SLC35F1: variants seen among roughly 807,000 people sequenced by gnomAD.
The protein encoded by SLC35F1 is chromosome 6 open reading frame 169.
SLC35F1 carries 14 observed loss-of-function variants against 48.7 expected under a neutral mutation model. The observed-to-expected ratio is 0.29, with a 90% CI of 0.19 to 0.45. SLC35F1 has a LOEUF of 0.45. Ranked by LOEUF, SLC35F1 falls within the 20% of genes least tolerant of loss-of-function variation. SLC35F1 has a pLI of 1.00. For missense variants in SLC35F1, 404 were observed against 500.0 expected (o/e 0.81, Z 1.83); for synonymous variants, 190 against 202.2 (o/e 0.94, Z 0.51).
intron 2 of SLC35F1, among the ~76,000 whole-genome samples, chr6:118,230,781 C>A (rs1775282759): frequency 6.6e-6 from 1 of 152,036 alleles, no homozygotes; most frequent in Admixed American, 6.5e-5. Context: ...CCCAGGAGTT[C>A]AAGACCACCT....
chr6:117,950,020 C>G (rs952662696), intron 1 of SLC35F1, among the ~76,000 whole-genome samples: 7 of 152,140 alleles, frequency 4.6e-5, no homozygotes, highest in African/African-American at 1.7e-4. Flanking sequence ...GCTTTTTACT[C>G]TGTGTTGCAG....
chr6:118,194,620 T>G (rs205930), intron 2 of SLC35F1, among the ~76,000 whole-genome samples: 11,793 of 152,176 alleles, frequency 0.077, 1,087 homozygotes, highest in African/African-American at 0.22. Context: ...CAAATTCATA[T>G]CACAAAATAC....
intron 7 of SLC35F1, among the ~76,000 whole-genome samples, chr6:118,306,407 A>G (rs2114666431): frequency 6.6e-6 from 1 of 152,334 alleles, no homozygotes; most frequent in East Asian, 1.9e-4. Flanking sequence ...GAGCTGCTAC[A>G]CTACCACTTC....
intron 1 of SLC35F1, among the ~76,000 whole-genome samples, chr6:117,993,337 A>G (rs1776944308): frequency 6.6e-6 from 1 of 152,194 alleles, no homozygotes; most frequent in Non-Finnish European, 1.5e-5. Context: ...TAGCCAAAAT[A>G]AATTTGAATT....
chr6:117,971,479 A>G (rs4946308), intron 1 of SLC35F1, among the ~76,000 whole-genome samples: 60,512 of 152,100 alleles, frequency 0.4, 12,513 homozygotes, highest in South Asian at 0.53. Flanking sequence ...AGCTCCACTA[A>G]GCAGTGCCCC....
intron 1 of SLC35F1, among the ~76,000 whole-genome samples, chr6:118,150,252 A>T: frequency 6.6e-6 from 1 of 152,234 alleles, no homozygotes; most frequent in African/African-American, 2.4e-5. Context: ...ATGAATTATT[A>T]TTGTTGTTTT....
At chr6:118,032,173 T>C (rs1291573537) in intron 1 of SLC35F1, among the ~76,000 whole-genome samples, 2 of 152,204 alleles carry the variant, frequency 1.3e-5, no homozygotes, top group Non-Finnish European at 2.9e-5. Context: ...CTTTCTTTGG[T>C]TATTCATCTT....
At chr6:118,099,029 A>G (rs1474979248) in intron 1 of SLC35F1, among the ~76,000 whole-genome samples, 5 of 152,172 alleles carry the variant, frequency 3.3e-5, no homozygotes, top group African/African-American at 9.7e-5. Context: ...CAAGGGAGAA[A>G]GTTGCATTAG....
chr6:117,959,746 A>G (rs556144421), intron 1 of SLC35F1, among the ~76,000 whole-genome samples: 1 of 152,276 alleles, frequency 6.6e-6, no homozygotes, highest in East Asian at 1.9e-4. Context: ...AGAAGTTTCG[A>G]CGTATAATAC....
chr6:118,227,717 C>G (rs966243944), intron 2 of SLC35F1, among the ~76,000 whole-genome samples: 4 of 151,592 alleles, frequency 2.6e-5, no homozygotes, highest in Non-Finnish European at 5.9e-5. Context: ...ATAGGGTGGG[C>G]AAAAACAAAA....
intron 1 of SLC35F1, among the ~76,000 whole-genome samples, chr6:118,153,549 T>A (rs1214477257): frequency 2.0e-5 from 3 of 152,196 alleles, no homozygotes; most frequent in Admixed American, 6.5e-5. Flanking sequence ...AGGGCAGAAA[T>A]CTACTTTGTA....
At position 118,150,968 on chromosome 6, in the gene SLC35F1, G is replaced by A. The variant is rs1265645453; in HGVS notation, c.174-3477G>A. On this transcript the variant is annotated intron_variant, in intron 1 of 7. Transcript: ENST00000360388. ...CTCTTGGTTTTCATGACACCAATAC[G>A]GCTGTTATTCTCCACTCAACCAAAA... is the stretch of plus-strand genomic sequence containing the variant. Among the ~76,000 whole-genome samples the A allele has an allele frequency of 2.0e-5, 3 of 152,080 alleles. No homozygotes were observed. In the East Asian group the frequency reaches 5.8e-4, roughly 29 times the overall value.
intron 1 of SLC35F1, among the ~76,000 whole-genome samples, chr6:117,974,812 G>A (rs1035250059): frequency 2.6e-5 from 4 of 152,170 alleles, no homozygotes; most frequent in Non-Finnish European, 1.5e-5. Flanking sequence ...AAATAAAACA[G>A]AAAGTGAGAA....
intron 1 of SLC35F1, among the ~76,000 whole-genome samples, chr6:117,939,566 A>T (rs1201577269): frequency 1.3e-5 from 2 of 152,202 alleles, no homozygotes; most frequent in Non-Finnish European, 2.9e-5. Flanking sequence ...GTTACTAAAA[A>T]ATTTCAGAGT....
chr6:118,149,867 GA>G (rs1454579318), intron 1 of SLC35F1, among the ~76,000 whole-genome samples: 1 of 152,178 alleles, frequency 6.6e-6, no homozygotes, highest in Non-Finnish European at 1.5e-5. Context: ...GTTTTCATCA[GA>G]GGGTCAGTCC....
chr6:117,974,515 G>A (rs867510306), intron 1 of SLC35F1, among the ~76,000 whole-genome samples: 4 of 152,198 alleles, frequency 2.6e-5, no homozygotes, highest in South Asian at 4.1e-4. Context: ...AATCTGGAAA[G>A]ATTTTTTGGA....
chr6:118,052,479 A>G (rs943457066), intron 1 of SLC35F1, among the ~76,000 whole-genome samples: 1 of 152,212 alleles, frequency 6.6e-6, no homozygotes, highest in Non-Finnish European at 1.5e-5. Flanking sequence ...GGAACATCTT[A>G]GAAAAGGTGA....
intron 1 of SLC35F1, among the ~76,000 whole-genome samples, chr6:117,909,248 C>T (rs1775734384): frequency 6.6e-6 from 1 of 151,940 alleles, no homozygotes; most frequent in South Asian, 2.1e-4. Context: ...GACGCTGGCT[C>T]AGTACATATT....
chr6:118,316,599 A>G lies in SLC35F1; in HGVS notation c.*2347A>G, dbSNP rs1039102035. 2 of 152,668 alleles carry G rather than the reference A, an allele frequency of 1.3e-5. No homozygotes were observed. Among genetic ancestry groups the G allele is most frequent in the African/African-American group, 2.4e-5 (1 of 41,462 alleles). The allele number at this position is 152,668 out of a possible 1,614,324, so 9.5% of individuals were successfully genotyped here. On this transcript the variant is annotated 3_prime_UTR_variant, in exon 8 of 8. Coordinates refer to ENST00000360388, the MANE Select transcript of SLC35F1 (RefSeq NM_001029858.4). The stretch of plus-strand genomic sequence containing the variant: ...ACTTAGTAAAGTCTTATGAGAAGCA[A>G]GTGGATGAAATTATCTCCAAGTCCA...
Sources: gnomAD v4.1 joint callset for allele counts (sites outside exome capture counted in the v4.1 genomes callset) on GRCh38, gnomAD v4.1.1 for gene constraint, MANE v1.5 for transcripts, NCBI Gene and HGNC (gene_info 2026-07-23, HGNC 2026-07-21) for gene names.